ELF2: variants seen among roughly 807,000 people sequenced by gnomAD.
ELF2 encodes the protein ETS-related transcription factor Elf-2.
Under a neutral mutation model 54.8 loss-of-function variants are expected in ELF2, and 11 were observed. The ratio of observed to expected loss-of-function variants is 0.20; its 90% CI spans 0.13 to 0.33. The LOEUF (loss-of-function observed/expected upper bound fraction) is 0.33, where lower values mean the gene tolerates loss of function less well. ELF2 is among the 10% of genes least tolerant of loss of function. The probability of loss-of-function intolerance (pLI) is 1.00; values close to 1 mark genes in which losing one functional copy is unlikely to be tolerated. For missense variants in ELF2, 513 were observed against 703.0 expected (o/e 0.73, Z 3.06); for synonymous variants, 203 against 245.1 (o/e 0.83, Z 1.61).
chr4:139,109,501 T>G (rs755807369), intron 4 of ELF2, among the ~76,000 whole-genome samples: 1 of 152,214 alleles, frequency 6.6e-6, no homozygotes, highest in Non-Finnish European at 1.5e-5. Flanking sequence ...TATAAGACAT[T>G]TAGTCTTAAG....
intron 4 of ELF2, among the ~76,000 whole-genome samples, chr4:139,075,454 G>A (rs547728581): frequency 6.6e-5 from 10 of 151,958 alleles, no homozygotes; most frequent in Admixed American, 4.6e-4. Context: ...TTTTTGAGAC[G>A]GAGTCTCGCT....
In ELF2 at chr4:139,058,829, G is replaced by C. The variant is rs1727383384; in HGVS notation, c.*154C>G. ...GTAGTTCATTTCCCACTGAAACATG[G>C]GATAGGTAATTTATTTCCAGTAAGT... On this transcript the variant is annotated 3_prime_UTR_variant, in exon 10 of 10. Transcript: ENST00000686138. The C allele has an allele frequency of 6.5e-6, 7 of 1,074,330 alleles. No individual in the cohort carries two copies. Among genetic ancestry groups the C allele is most frequent in the Non-Finnish European group, 9.0e-6 (7 of 776,628 alleles). The allele number at this position is 1,074,330 out of a possible 1,614,324, so 66.5% of individuals were successfully genotyped here.
At chr4:139,084,386 C>T (rs1344708945) in intron 4 of ELF2, 2 of 1,448,596 alleles carry the variant, frequency 1.4e-6, no homozygotes, top group East Asian at 5.2e-5. Flanking sequence ...CTCCCGCCGC[C>T]GGGCTGAGAA....
rs1430931541 is a variant in ELF2 at position 139,137,719 on chromosome 4, G to A, written c.-18C>T. On this transcript the variant is annotated 5_prime_UTR_variant, in exon 3 of 10. Transcript: ENST00000686138. ...GATGTCATTGTTATTCCCTGAGGAA[G>A]CTTCAAACGCTATTAATCAATGAAA... is the stretch of plus-strand genomic sequence containing the variant. 1.2e-6 allele frequency: 2 copies of A among 1,613,564 alleles called. No individual in the cohort carries two copies. Among genetic ancestry groups the A allele is most frequent in the Admixed American group, 3.3e-5 (2 of 59,974 alleles).
In ELF2 at chr4:139,066,091, T is replaced by C. The variant is rs114381962; in HGVS notation, c.613+1593A>G. 157 of 144,230 alleles carry C rather than the reference T, an allele frequency of 1.1e-3. 1 individual carries two copies. Among genetic ancestry groups the C allele is most frequent in the African/African-American group, 3.8e-3 (150 of 39,754 alleles). 8.9% of individuals were successfully genotyped at this position (144,230 alleles called of 1,614,324 possible). ...TTACTGGAGACAATTTTTTTTAAAC[T>C]AGACTTAATTTCTGTTTTAATTATT... is the stretch of plus-strand genomic sequence containing the variant. On this transcript the variant is annotated intron_variant, in intron 7 of 9. Coordinates refer to ENST00000686138, the MANE Select transcript of ELF2 (RefSeq NM_001331036.3).
rs1295703673 is a variant in ELF2, at chr4:139,155,007, C to T, written c.-251-15510G>A. The T allele has an allele frequency of 2.0e-5, 3 of 152,180 alleles. No individual in the cohort carries two copies. The East Asian group carries it at 5.8e-4, about 29-fold the overall frequency. 9.4% of individuals were successfully genotyped at this position (152,180 alleles called of 1,614,324 possible). On this transcript the variant is annotated intron_variant, in intron 1 of 9. Coordinates refer to ENST00000686138, the MANE Select transcript of ELF2 (RefSeq NM_001331036.3). The stretch of plus-strand genomic sequence containing the variant: ...TCGGAGAAAGGCACAAACCTACCTC[C>T]CAGATGTGCATCCTTCATCTGGGCA...
At chr4:139,129,480 T>C (rs1253978832) in intron 3 of ELF2, among the ~76,000 whole-genome samples, 1 of 152,200 alleles carries the variant, frequency 6.6e-6, no homozygotes, top group Admixed American at 6.5e-5. Context: ...ACTACCAACT[T>C]TAACATCACT....
intron 1 of ELF2, among the ~76,000 whole-genome samples, chr4:139,156,774 T>C (rs1004125537): frequency 6.6e-6 from 1 of 151,932 alleles, no homozygotes. Context: ...GTAGCTGGGA[T>C]TACAGGCACA....
intron 6 of ELF2, among the ~76,000 whole-genome samples, chr4:139,069,894 T>C (rs1172898086): frequency 2.6e-5 from 4 of 152,072 alleles, no homozygotes; most frequent in Admixed American, 2.0e-4. Flanking sequence ...TCGCCCAGGC[T>C]GGAATGCAGT....
chr4:139,132,508 T>G (rs1737598835), intron 3 of ELF2, among the ~76,000 whole-genome samples: 1 of 152,146 alleles, frequency 6.6e-6, no homozygotes. Context: ...TAGATTTCTA[T>G]CCCTATAGAT....
chr4:139,067,233 A>G (rs1310892879), intron 7 of ELF2: 1 of 153,020 alleles, frequency 6.5e-6, no homozygotes, highest in Non-Finnish European at 1.5e-5. Flanking sequence ...CAAGGCTGCA[A>G]TGTGCCATGA....
In ELF2 at chr4:139,067,681, T is replaced by C; in HGVS notation, c.613+3A>G. ...ACTTCCAAAGCAACCCTCCCCAAAT[T>C]ACCTTTTCCTTCTCTTGGTTTCTTC... On this transcript the variant is annotated splice_donor_region_variant and intron_variant, in intron 7 of 9. Transcript: ENST00000686138. 1 of 1,611,910 alleles carries C rather than the reference T, an allele frequency of 6.2e-7. No homozygotes were observed. Among genetic ancestry groups the C allele is most frequent in the Non-Finnish European group, 8.5e-7 (1 of 1,178,518 alleles).
intron 4 of ELF2, among the ~76,000 whole-genome samples, chr4:139,119,558 T>C (rs1328601792): frequency 6.6e-6 from 1 of 152,190 alleles, no homozygotes; most frequent in Non-Finnish European, 1.5e-5. Context: ...TTCTTCAGGA[T>C]TCTGGTCACC....
chr4:139,135,975 T>C (rs961324501), intron 3 of ELF2, among the ~76,000 whole-genome samples: 2 of 152,228 alleles, frequency 1.3e-5, no homozygotes, highest in African/African-American at 4.8e-5. Flanking sequence ...TTTCCCCATA[T>C]TAATGATACC....
At chr4:139,165,710 AG>A (rs1190112960) in intron 1 of ELF2, among the ~76,000 whole-genome samples, 1 of 152,174 alleles carries the variant, frequency 6.6e-6, no homozygotes, top group Non-Finnish European at 1.5e-5. Flanking sequence ...AACTAACTTT[AG>A]GATGTTCCAC....
intron 1 of ELF2, among the ~76,000 whole-genome samples, chr4:139,151,462 C>G (rs960862356): frequency 6.6e-6 from 1 of 152,154 alleles, no homozygotes; most frequent in Admixed American, 6.5e-5. Context: ...GGGATTCCTA[C>G]TAATTAATAA....
At chr4:139,150,201 A>G (rs982220225) in intron 1 of ELF2, among the ~76,000 whole-genome samples, 1 of 152,098 alleles carries the variant, frequency 6.6e-6, no homozygotes. Context: ...AAATGTCTCT[A>G]CTAAAAATAC....
intron 4 of ELF2, chr4:139,114,944 G>T (rs1231564128): frequency 2.5e-6 from 4 of 1,613,268 alleles, no homozygotes; most frequent in Non-Finnish European, 3.4e-6. Context: ...TTCTTCTGGG[G>T]TGTGCTCAGC....
rs758609389 is a variant in ELF2 at position 139,125,364 on chromosome 4, G to A, written c.73-35C>T. 11 of 1,593,668 alleles carry A rather than the reference G, an allele frequency of 6.9e-6. No individual in the cohort carries two copies. In the South Asian group the frequency reaches 1.1e-4, roughly 17 times the overall value. ...CAAATTTAAAGAACAATCAACCTTT[G>A]TATTTACAAATTCTGAATTCACTTA... On this transcript the variant is annotated intron_variant, in intron 3 of 9. Transcript: ENST00000686138.
Sources: allele counts gnomAD v4.1 joint callset (sites outside exome capture counted in the v4.1 genomes callset), GRCh38; gene constraint gnomAD v4.1.1; transcripts MANE v1.5; gene names NCBI Gene and HGNC (gene_info 2026-07-23, HGNC 2026-07-21).